SYCE1L: variants seen among roughly 807,000 people sequenced by gnomAD.
The protein encoded by SYCE1L is synaptonemal complex central element protein 1-like.
SYCE1L carries 51 observed loss-of-function variants against 39.6 expected under a neutral mutation model. That is an observed-to-expected ratio of 1.29 (90% confidence interval 1.03 to 1.63). The LOEUF is 1.63. SYCE1L is among the 40% of genes most tolerant of loss of function. The pLI is 0.00. For missense variants in SYCE1L, 426 were observed against 304.9 expected (o/e 1.40, Z -2.96); for synonymous variants, 147 against 122.4 (o/e 1.20, Z -1.33).
rs1161410131 is a variant in SYCE1L, at chr16:77,209,446, C to T, written c.334C>T (p.Gln112Ter). ...EALRILQMHC[Q>*]EKESEAQRLD... ...ACTGAGGATCCTCCAGATGCACTGCCAAGAGAAGGAAAGCGAGGCTCAGAG... is the reference window on the plus strand; with the variant it reads ...ACTGAGGATCCTCCAGATGCACTGCTAAGAGAAGGAAAGCGAGGCTCAGAG... Residue 112 changes from glutamine to a stop codon, truncating the protein, a stop_gained, in exon 6 of 11, where the codon CAA becomes TAA. Transcript: ENST00000378644. LOFTEE classifies it high-confidence loss of function. The T allele has an allele frequency of 5.2e-6, 8 of 1,551,634 alleles. No homozygotes were observed. Among genetic ancestry groups the T allele is most frequent in the African/African-American group, 1.4e-5 (1 of 73,054 alleles).
At chr16:77,210,647 G>C (rs932483191) in intron 6 of SYCE1L, among the ~76,000 whole-genome samples, 1 of 152,086 alleles carries the variant, frequency 6.6e-6, no homozygotes, top group East Asian at 1.9e-4. Flanking sequence ...TTCAAGCCAG[G>C]ATGTTATAGA....
rs1419573612 is a variant in SYCE1L at position 77,212,445 on chromosome 16, G to T, written c.581+76G>T. The T allele has an allele frequency of 3.6e-5, 55 of 1,534,812 alleles. No homozygotes were observed. In the South Asian group the frequency reaches 5.9e-4, roughly 16 times the overall value. On this transcript the variant is annotated intron_variant, in intron 9 of 10. Transcript: ENST00000378644. ...GGAACCCGCCCAGGTCCCCCGCTCC[G>T]CCCCCGACTGCCGCTTCCCCGGCCT...
chr16:77,207,068 G>T (rs1229341864), intron 2 of SYCE1L, among the ~76,000 whole-genome samples: 1 of 152,180 alleles, frequency 6.6e-6, no homozygotes. Context: ...GCCTGCAGAA[G>T]AAGTGCACTG....
At chr16:77,205,425 T>C (rs897092943) in intron 1 of SYCE1L, among the ~76,000 whole-genome samples, 3 of 140,026 alleles carry the variant, frequency 2.1e-5, no homozygotes, top group Non-Finnish European at 4.6e-5. Context: ...AAAATATACA[T>C]AGAAGTAAAT....
chr16:77,208,980 T>C (rs141900675), intron 4 of SYCE1L, 117 bp from the exon 5 acceptor site: 8 of 1,127,388 alleles, frequency 7.1e-6, no homozygotes, highest in South Asian at 1.4e-5. Context: ...GGCAAGAAGA[T>C]ACCTCACCTC....
chr16:77,213,078 T>A lies in SYCE1L; in HGVS notation c.*147T>A. 1 of 844,956 alleles carries A rather than the reference T, an allele frequency of 1.2e-6. No individual in the cohort carries two copies. The highest frequency in any genetic ancestry group is 1.6e-6 in the Non-Finnish European group (1 of 616,464). The allele number at this position is 844,956 out of a possible 1,614,324, so 52.3% of individuals were successfully genotyped here. On this transcript the variant is annotated 3_prime_UTR_variant, in exon 11 of 11. Coordinates refer to ENST00000378644, the MANE Select transcript of SYCE1L (RefSeq NM_001129979.3). Reference sequence around the variant, plus strand: ...CGTGCTGGGATCTCGAGGCGGGGCCTCTGCCGGACCCCTCCCACCAGTCGA... The same window carrying A: ...CGTGCTGGGATCTCGAGGCGGGGCCACTGCCGGACCCCTCCCACCAGTCGA...
At chr16:77,203,797 G>A (rs144150915) in intron 1 of SYCE1L, among the ~76,000 whole-genome samples, 2,667 of 151,918 alleles carry the variant, frequency 0.018, 83 homozygotes, top group African/African-American at 0.061. Context: ...GTTTTGCCAC[G>A]TTGGCCAAGC....
At chr16:77,200,766 GAAAA>G (rs878904273) in intron 1 of SYCE1L, 6 of 57,298 alleles carry the variant, frequency 1.0e-4, no homozygotes, top group African/African-American at 2.2e-4. Flanking sequence ...AAAAAAAAAA[GAAAA>G]AACAAAAAGA....
chr16:77,207,950 G>A (rs9933644), intron 2 of SYCE1L, among the ~76,000 whole-genome samples: 68,128 of 151,718 alleles, frequency 0.45, 16,668 homozygotes, highest in Non-Finnish European at 0.56. Flanking sequence ...TTACCCTTTT[G>A]CTCTTCAACA....
intron 1 of SYCE1L, among the ~76,000 whole-genome samples, 192 bp from the exon 2 acceptor site, chr16:77,206,249 G>A (rs1236738455): frequency 6.6e-6 from 1 of 152,084 alleles, no homozygotes; most frequent in Non-Finnish European, 1.5e-5. Context: ...TAGGGGTCCT[G>A]ATTTATCTAG....
intron 1 of SYCE1L, chr16:77,200,746 C>G (rs1483526060): frequency 2.4e-5 from 2 of 84,838 alleles, no homozygotes; most frequent in African/African-American, 4.6e-5. Context: ...ACAGAGTGAG[C>G]AAAAAAAAAA....
chr16:77,210,290 T>G (rs1422382435), intron 6 of SYCE1L, among the ~76,000 whole-genome samples: 1 of 152,186 alleles, frequency 6.6e-6, no homozygotes, highest in African/African-American at 2.4e-5. Flanking sequence ...CCTGCCCACC[T>G]TGGCCTCCCA....
At chr16:77,212,698 G>C (rs1038743819) in intron 10 of SYCE1L, 52 bp downstream of exon 10, 17 of 1,477,496 alleles carry the variant, frequency 1.2e-5, no homozygotes, top group Non-Finnish European at 1.5e-5. Context: ...AGTCAGGAGA[G>C]AGCGGGCGGG....
At position 77,209,412 on chromosome 16, in the gene SYCE1L, CA is replaced by C. The variant is rs1567426978; in HGVS notation, c.305-4del. ...CAAAGGGTCCCCTTGGTTCCTTCCC[CA>C]CAGAGGCACTGAGGATCCTCCAGAT... On this transcript the variant is annotated splice_polypyrimidine_tract_variant and splice_region_variant and intron_variant, in intron 5 of 10. Transcript: ENST00000378644. 6.4e-7 allele frequency: 1 copy of C among 1,551,730 alleles called. No individual in the cohort carries two copies. The highest frequency in any genetic ancestry group is 2.0e-5 in the Admixed American group (1 of 50,996).
At chr16:77,202,888 G>A (rs1187960173) in intron 1 of SYCE1L, among the ~76,000 whole-genome samples, 1 of 152,138 alleles carries the variant, frequency 6.6e-6, no homozygotes, top group Non-Finnish European at 1.5e-5. Context: ...CTACTCTCAT[G>A]TGCATTTGAA....
chr16:77,207,164 A>ACT (rs1004292331), intron 2 of SYCE1L, among the ~76,000 whole-genome samples: 3 of 152,194 alleles, frequency 2.0e-5, no homozygotes, highest in African/African-American at 7.2e-5. Context: ...AGTAAAACAA[A>ACT]GACCCCCAGA....
At chr16:77,206,974 C>G (rs372951684) in intron 2 of SYCE1L, among the ~76,000 whole-genome samples, 3 of 152,114 alleles carry the variant, frequency 2.0e-5, no homozygotes, top group East Asian at 3.9e-4. Context: ...AGGTGAGACC[C>G]CCAGCCCATT....
rs1450471365 is a variant in SYCE1L, at chr16:77,212,954, C to A, written c.*23C>A. On this transcript the variant is annotated 3_prime_UTR_variant, in exon 11 of 11. Transcript: ENST00000378644. ...TAGGCCAGCAGGACCCGCCCGTTCC[C>A]GACCTTCCCTCGAGACCCGCCAAGA... 6.8e-7 allele frequency: 1 copy of A among 1,474,878 alleles called. No individual in the cohort carries two copies. Among genetic ancestry groups the A allele is most frequent in the Non-Finnish European group, 9.0e-7 (1 of 1,113,696 alleles). 91.4% of individuals were successfully genotyped at this position (1,474,878 alleles called of 1,614,324 possible).
At chr16:77,199,670 A>T (rs1259222351) in intron 1 of SYCE1L, 158 bp downstream of exon 1, 1 of 611,594 alleles carries the variant, frequency 1.6e-6, no homozygotes, top group Non-Finnish European at 2.8e-6. Flanking sequence ...TTAACCGTTC[A>T]GCACAGTGGA....
Sources: gnomAD v4.1 joint callset for allele counts (sites outside exome capture counted in the v4.1 genomes callset) on GRCh38, gnomAD v4.1.1 for gene constraint, MANE v1.5 for transcripts, NCBI Gene and HGNC (gene_info 2026-07-23, HGNC 2026-07-21) for gene names.